RNF214: variants seen among roughly 807,000 people sequenced by gnomAD.
RNF214 encodes the protein ring finger protein 214.
In RNF214, 25 loss-of-function variants were observed where a neutral mutation model predicts 75.9. That is an observed-to-expected ratio of 0.33 (90% CI 0.24 to 0.46). The LOEUF (loss-of-function observed/expected upper bound fraction) is 0.46, where lower values mean the gene tolerates loss of function less well. Ranked by LOEUF, RNF214 falls within the 20% of genes least tolerant of loss-of-function variation. The probability of loss-of-function intolerance (pLI) is 1.00; values close to 1 mark genes in which losing one functional copy is unlikely to be tolerated. For missense variants in RNF214, 725 were observed against 857.5 expected, an observed-to-expected ratio of 0.85 and a Z score of 1.93; for synonymous variants, 314 against 308.8, an observed-to-expected ratio of 1.02 and a Z score of -0.18.
At chr11:117,274,584 G>A (rs755311443) in intron 6 of RNF214, among the ~76,000 whole-genome samples, 1 of 151,356 alleles carries the variant, frequency 6.6e-6, no homozygotes. Context: ...GGCCAGGCTA[G>A]TCTCGAACTC....
chr11:117,243,648 T>C (rs2033139009), intron 4 of RNF214, among the ~76,000 whole-genome samples: 1 of 152,212 alleles, frequency 6.6e-6, no homozygotes, highest in Non-Finnish European at 1.5e-5. Flanking sequence ...AGGTAACCAT[T>C]GATTTTCTTG....
At chr11:117,242,988 C>G (rs2033118389) in intron 4 of RNF214, among the ~76,000 whole-genome samples, 1 of 152,118 alleles carries the variant, frequency 6.6e-6, no homozygotes, top group Non-Finnish European at 1.5e-5. Flanking sequence ...ATTCCGGGGT[C>G]CACCTGTAGA....
intron 4 of RNF214, among the ~76,000 whole-genome samples, chr11:117,243,659 A>T: frequency 6.6e-6 from 1 of 152,114 alleles, no homozygotes; most frequent in East Asian, 1.9e-4. Flanking sequence ...GATTTTCTTG[A>T]TTTACTGACA....
intron 4 of RNF214, among the ~76,000 whole-genome samples, chr11:117,243,103 G>A (rs2033123197): frequency 6.6e-6 from 1 of 152,100 alleles, no homozygotes; most frequent in Non-Finnish European, 1.5e-5. Flanking sequence ...TTGTCCCAAA[G>A]CCAAGGTCCT....
At chr11:117,273,358 G>A (rs189966250) in intron 6 of RNF214, among the ~76,000 whole-genome samples, 4,736 of 123,068 alleles carry the variant, frequency 0.038, 123 homozygotes, top group South Asian at 0.13. Flanking sequence ...TTTCAAATTT[G>A]TTTTATTATT....
At chr11:117,251,247 ACCCCGCTG>A (rs1318767715) in intron 6 of RNF214, among the ~76,000 whole-genome samples, 12 of 21,638 alleles carry the variant, frequency 5.5e-4, no homozygotes, top group Non-Finnish European at 1.4e-3. Context: ...CGGGGGGCTG[ACCCCGCTG>A]ACCCCCCCAC....
chr11:117,239,769 A>C, intron 3 of RNF214, 32 bp from the exon 4 acceptor site: 1 of 1,233,838 alleles, frequency 8.1e-7, no homozygotes, highest in Non-Finnish European at 1.2e-6. Flanking sequence ...GTGTCTCTGA[A>C]CGATTCTAAA....
intron 6 of RNF214, among the ~76,000 whole-genome samples, chr11:117,262,172 C>T (rs1469367999): frequency 1.3e-5 from 2 of 151,548 alleles, no homozygotes; most frequent in Admixed American, 6.6e-5. Context: ...CTGCAAGCTC[C>T]GCCTCCCGGG....
chr11:117,257,347 T>C (rs1591828094), intron 6 of RNF214, among the ~76,000 whole-genome samples: 2 of 152,210 alleles, frequency 1.3e-5, no homozygotes, highest in African/African-American at 2.4e-5. Flanking sequence ...AAAAAATCAT[T>C]ATCAGACTAG....
chr11:117,234,469 A>T, intron 2 of RNF214, 90 bp downstream of exon 2: 1 of 871,656 alleles, frequency 1.1e-6, no homozygotes, highest in Non-Finnish European at 1.9e-6. Context: ...TTTGGCTCTG[A>T]TGGCACTGCA....
At chr11:117,249,782 C>G (rs975878779) in intron 6 of RNF214, among the ~76,000 whole-genome samples, 19 of 152,180 alleles carry the variant, frequency 1.2e-4, no homozygotes, top group African/African-American at 4.3e-4. Context: ...TTCCTGGTGT[C>G]TCTTCCTCTT....
intron 6 of RNF214, among the ~76,000 whole-genome samples, chr11:117,272,909 T>C (rs1464006068): frequency 6.6e-6 from 1 of 152,146 alleles, no homozygotes; most frequent in Non-Finnish European, 1.5e-5. Flanking sequence ...GAGGTTTTGT[T>C]TATATGGATT....
intron 6 of RNF214, among the ~76,000 whole-genome samples, chr11:117,250,522 G>C (rs1382527209): frequency 6.6e-6 from 1 of 151,814 alleles, no homozygotes; most frequent in Non-Finnish European, 1.5e-5. Flanking sequence ...GTGTCATGAT[G>C]TAAATGTGGC....
chr11:117,282,413 G>C lies in RNF214; in HGVS notation c.1722G>C (p.Met574Ile). ...CATTTTTTTTCCTCAGGGCCCAGAT[G>C]ACCAACATTCTTCAGCAGATCAAGA... is the stretch of plus-strand genomic sequence containing the variant. ...TRFPQCNKAQ[M>I]TNILQQIKTA... The change falls in exon 12 of 15, where the codon ATG (methionine) becomes ATC (isoleucine). Residue 574 changes from methionine (M) to isoleucine (I), a missense_variant. Coordinates refer to ENST00000300650, the MANE Select transcript of RNF214 (RefSeq NM_207343.4). The C allele has an allele frequency of 6.2e-7, 1 of 1,613,852 alleles. No individual in the cohort carries two copies. The highest frequency in any genetic ancestry group is 8.5e-7 in the Non-Finnish European group (1 of 1,179,838).
chr11:117,280,136 T>C (rs2134420001), intron 7 of RNF214, 35 bp from the exon 8 acceptor site: 1 of 1,565,134 alleles, frequency 6.4e-7, no homozygotes, highest in East Asian at 2.2e-5. Flanking sequence ...GTATGTAAAA[T>C]TAATAAAGTA....
chr11:117,280,572 C>G (rs987651578), intron 8 of RNF214, among the ~76,000 whole-genome samples: 1 of 152,064 alleles, frequency 6.6e-6, no homozygotes, highest in Non-Finnish European at 1.5e-5. Context: ...TTTGGGAGGT[C>G]GAGGCAGGAG....
chr11:117,236,571 C>CT (rs2032917940), intron 2 of RNF214, among the ~76,000 whole-genome samples: 1 of 152,194 alleles, frequency 6.6e-6, no homozygotes, highest in Non-Finnish European at 1.5e-5. Flanking sequence ...CGCACCTGGC[C>CT]GTCCCTCAAC....
At chr11:117,251,890 A>G (rs1008541494) in intron 6 of RNF214, among the ~76,000 whole-genome samples, 3 of 152,164 alleles carry the variant, frequency 2.0e-5, no homozygotes, top group African/African-American at 7.2e-5. Context: ...ATTTTTTGAG[A>G]CAGAGTCTCA....
intron 9 of RNF214, 29 bp downstream of exon 9, chr11:117,281,433 T>C (rs762827852): frequency 1.3e-6 from 2 of 1,547,408 alleles, no homozygotes; most frequent in Non-Finnish European, 1.8e-6. Context: ...CATCATTCAG[T>C]CAGTGTTAGT....
Sources: allele counts gnomAD v4.1 joint callset (sites outside exome capture counted in the v4.1 genomes callset), GRCh38; gene constraint gnomAD v4.1.1; transcripts MANE v1.5; gene names NCBI Gene and HGNC (gene_info 2026-07-23, HGNC 2026-07-21).